TCF7L1: variants seen among roughly 807,000 people sequenced by gnomAD.
TCF7L1 encodes transcription factor 7 like 1.
In TCF7L1, 18 loss-of-function variants were observed where a neutral mutation model predicts 63.7. The ratio of observed to expected loss-of-function variants is 0.28; its 90% CI spans 0.20 to 0.42. The LOEUF (loss-of-function observed/expected upper bound fraction) is 0.42, where lower values mean the gene tolerates loss of function less well. Ranked by LOEUF, TCF7L1 falls within the 10% of genes least tolerant of loss-of-function variation. The probability of loss-of-function intolerance (pLI) is 1.00; values close to 1 mark genes in which losing one functional copy is unlikely to be tolerated. For synonymous variants in TCF7L1, 355 were observed against 340.9 expected (o/e 1.04, Z -0.46); for missense variants, 654 against 779.3 (o/e 0.84, Z 1.91).
intron 3 of TCF7L1, among the ~76,000 whole-genome samples, chr2:85,245,592 C>T (rs1680443386): frequency 6.6e-6 from 1 of 152,060 alleles, no homozygotes; most frequent in African/African-American, 2.4e-5. Flanking sequence ...GCGGGCAGAT[C>T]ACGAGGTCAG....
At chr2:85,158,113 G>A (rs1015976353) in intron 3 of TCF7L1, among the ~76,000 whole-genome samples, 2 of 152,160 alleles carry the variant, frequency 1.3e-5, no homozygotes, top group Admixed American at 6.5e-5. Context: ...GTGGTGTAAG[G>A]TGCTAGCTGA....
intron 3 of TCF7L1, among the ~76,000 whole-genome samples, chr2:85,192,822 C>T (rs1489856379): frequency 1.3e-5 from 2 of 151,762 alleles, no homozygotes; most frequent in Non-Finnish European, 2.9e-5. Context: ...TACAGGCATG[C>T]ACTACCATCC....
intron 3 of TCF7L1, among the ~76,000 whole-genome samples, chr2:85,182,637 A>C (rs928749573): frequency 6.6e-6 from 1 of 152,208 alleles, no homozygotes; most frequent in African/African-American, 2.4e-5. Context: ...ACTGGACATG[A>C]AGCTGGTGAT....
intron 11 of TCF7L1, among the ~76,000 whole-genome samples, chr2:85,308,409 CT>C (rs1249586636): frequency 7.0e-6 from 1 of 143,254 alleles, no homozygotes; most frequent in Non-Finnish European, 1.5e-5. Flanking sequence ...CCTTCCCTCC[CT>C]TTCCCCTTCC....
At chr2:85,296,416 C>T (rs1009445725) in intron 4 of TCF7L1, among the ~76,000 whole-genome samples, 5 of 152,178 alleles carry the variant, frequency 3.3e-5, no homozygotes, top group African/African-American at 9.7e-5. Flanking sequence ...GTTGCATCCT[C>T]GTTACCTCAT....
At position 85,309,139 on chromosome 2, in the gene TCF7L1, C is replaced by A; in HGVS notation, c.1444C>A (p.Pro482Thr). 6.2e-7 allele frequency: 1 copy of A among 1,614,020 alleles called. No homozygotes were observed. Among genetic ancestry groups the A allele is most frequent in the Non-Finnish European group, 8.5e-7 (1 of 1,180,012 alleles). ...GAGCATGCTGGACTCCCCGGCCACT[C>A]CCTCTGCAGCTTTGGCCTCACCAGC... ...HGSMLDSPATPSAALASPAAP... is the reference protein window; with the variant it reads ...HGSMLDSPATTSAALASPAAP... The change falls in exon 12 of 12, where the codon CCC becomes ACC. Residue 482 changes from proline (P) to threonine (T), a missense_variant. Physicochemically the swap from Pro to Thr is conservative, Grantham distance 38. Around this residue, in one of 3 missense-constraint regions of TCF7L1, gnomAD observed 184 missense variants for 204.0 expected, o/e 0.90. Coordinates refer to ENST00000282111, the MANE Select transcript of TCF7L1 (RefSeq NM_031283.3).
intron 3 of TCF7L1, among the ~76,000 whole-genome samples, chr2:85,219,567 T>C (rs1679797554): frequency 6.6e-6 from 1 of 152,086 alleles, no homozygotes; most frequent in Non-Finnish European, 1.5e-5. Context: ...ATTCTAAAAG[T>C]GTAACACTCA....
At chr2:85,234,239 G>A (rs1396074606) in intron 3 of TCF7L1, among the ~76,000 whole-genome samples, 2 of 147,628 alleles carry the variant, frequency 1.4e-5, no homozygotes, top group African/African-American at 2.5e-5. Flanking sequence ...AGGTTCAGGC[G>A]ATTCTCCTGC....
chr2:85,239,962 CA>C lies in TCF7L1; in HGVS notation c.442-43523del, dbSNP rs766685870. 3.0e-3 allele frequency among the ~76,000 whole-genome samples: 326 copies of C among 110,294 alleles called. 2 individuals carry two copies. The highest frequency in any genetic ancestry group is 5.6e-3 in the Non-Finnish European group (278 of 49,850). The allele number at this position is 110,294 out of a possible 152,430, so 72.4% of individuals were successfully genotyped here. ...CTCCATCTAAAAAAAAAAAAAAAAACAAAAAAAAAACAAGAATGAAAAGGAA... is the reference window on the plus strand; with the variant it reads ...CTCCATCTAAAAAAAAAAAAAAAAACAAAAAAAAACAAGAATGAAAAGGAA... On this transcript the variant is annotated intron_variant, in intron 3 of 11. Transcript: ENST00000282111.
chr2:85,227,885 G>A (rs1329593861), intron 3 of TCF7L1, among the ~76,000 whole-genome samples: 2 of 151,484 alleles, frequency 1.3e-5, no homozygotes, highest in East Asian at 1.9e-4. Context: ...CCAGCTACTC[G>A]GGAGGCTGAG....
intron 3 of TCF7L1, among the ~76,000 whole-genome samples, chr2:85,196,134 G>T (rs1324985362): frequency 6.6e-6 from 1 of 152,156 alleles, no homozygotes; most frequent in African/African-American, 2.4e-5. Flanking sequence ...GGTGAACCCT[G>T]CGTCCTGCCA....
intron 3 of TCF7L1, among the ~76,000 whole-genome samples, chr2:85,136,771 C>T (rs572428338): frequency 1.4e-4 from 21 of 152,252 alleles, no homozygotes; most frequent in Admixed American, 3.9e-4. Flanking sequence ...TGACCCTGTT[C>T]GTTTGCTGCC....
chr2:85,161,076 T>A (rs903569958), intron 3 of TCF7L1, among the ~76,000 whole-genome samples: 1 of 152,116 alleles, frequency 6.6e-6, no homozygotes, highest in African/African-American at 2.4e-5. Context: ...GAGCTAAGGA[T>A]TTACCGTATG....
In TCF7L1 at chr2:85,257,384, C is replaced by G. The variant is rs567068910; in HGVS notation, c.442-26111C>G. On this transcript the variant is annotated intron_variant, in intron 3 of 11. Coordinates refer to ENST00000282111, the MANE Select transcript of TCF7L1 (RefSeq NM_031283.3). ...CAGGGAGGAAGAACAGGTTCCCCGG[C>G]TTAGCTCCAGGGCATCCTCGGACTG... 1.2e-3 allele frequency among the ~76,000 whole-genome samples: 176 copies of G among 152,318 alleles called. 1 individual carries two copies. Among genetic ancestry groups the G allele is most frequent in the Admixed American group, 4.4e-3 (67 of 15,308 alleles).
chr2:85,260,353 G>A (rs1043760672), intron 3 of TCF7L1, among the ~76,000 whole-genome samples: 9 of 152,074 alleles, frequency 5.9e-5, no homozygotes, highest in Middle Eastern at 3.2e-3. Context: ...GACCTTGTAC[G>A]TGGCCGGACG....
chr2:85,261,123 G>GGTGGGTGT (rs1553404437), intron 3 of TCF7L1, among the ~76,000 whole-genome samples: 3 of 106,698 alleles, frequency 2.8e-5, no homozygotes, highest in Non-Finnish European at 2.2e-5. Flanking sequence ...AATTATTGCT[G>GGTGGGTGT]GTGTGTGTGT....
intron 3 of TCF7L1, among the ~76,000 whole-genome samples, chr2:85,230,682 G>T (rs187178033): frequency 2.0e-5 from 3 of 152,226 alleles, no homozygotes; most frequent in Non-Finnish European, 4.4e-5. Flanking sequence ...TCCTTGCAGG[G>T]GGCTGAATCA....
At chr2:85,303,821 G>A in intron 5 of TCF7L1, 74 bp from the exon 6 acceptor site, 1 of 1,149,498 alleles carries the variant, frequency 8.7e-7, no homozygotes, top group Non-Finnish European at 1.3e-6. Flanking sequence ...AGGGCAGGAT[G>A]CTCCCATTTG....
rs572194911 is a variant in TCF7L1, at chr2:85,309,534, A to C, written c.*72A>C. 7 of 1,473,312 alleles carry C rather than the reference A, an allele frequency of 4.8e-6. No individual in the cohort carries two copies. The South Asian group carries it at 9.7e-5, about 20-fold the overall frequency. 91.3% of individuals were successfully genotyped at this position (1,473,312 alleles called of 1,614,324 possible). On this transcript the variant is annotated 3_prime_UTR_variant, in exon 12 of 12. Coordinates refer to ENST00000282111, the MANE Select transcript of TCF7L1 (RefSeq NM_031283.3). ...ATGATTCAGAAGAAAAAGAAAAAGGAGACTTTATTGGTCAATATTTGACCA... is the reference window on the plus strand; with the variant it reads ...ATGATTCAGAAGAAAAAGAAAAAGGCGACTTTATTGGTCAATATTTGACCA...
Sources: allele counts gnomAD v4.1 joint callset (sites outside exome capture counted in the v4.1 genomes callset), GRCh38; gene constraint gnomAD v4.1.1; regional missense constraint gnomAD v4.1.1; transcripts MANE v1.5; gene names NCBI Gene and HGNC (gene_info 2026-07-23, HGNC 2026-07-21).